KLRG2: variants seen among roughly 807,000 people sequenced by gnomAD.
The protein encoded by KLRG2 is killer cell lectin-like receptor subfamily G member 2.
Under a neutral mutation model 35.4 loss-of-function variants are expected in KLRG2, and 39 were observed. That is an observed-to-expected ratio of 1.10 (90% CI 0.85 to 1.44). The LOEUF (loss-of-function observed/expected upper bound fraction) is 1.44, where lower values mean the gene tolerates loss of function less well. Ranked by LOEUF, KLRG2 falls within the 40% of genes most tolerant of loss-of-function variation. The pLI, the probability that KLRG2 is intolerant of heterozygous loss-of-function variation, is 0.00. For missense variants in KLRG2, 632 were observed against 570.9 expected (o/e 1.11, Z -1.09); for synonymous variants, 283 against 265.8 (o/e 1.06, Z -0.63).
the KLRG2 span, among the ~76,000 whole-genome samples, chr7:139,442,269 C>G: frequency 6.6e-6 from 1 of 152,158 alleles, no homozygotes; most frequent in Non-Finnish European, 1.5e-5. Context: ...CAGAGAGGAG[C>G]AACTGTCCAC....
At chr7:139,481,894 T>A (rs2116488563) in intron 1 of KLRG2, among the ~76,000 whole-genome samples, 2 of 151,656 alleles carry the variant, frequency 1.3e-5, no homozygotes, top group South Asian at 4.2e-4. Flanking sequence ...GCCATTGCAC[T>A]CCAGCCTGGG....
At chr7:139,469,699 C>T (rs1382574607) in intron 3 of KLRG2, among the ~76,000 whole-genome samples, 6 of 152,242 alleles carry the variant, frequency 3.9e-5, no homozygotes, top group Admixed American at 3.9e-4. Flanking sequence ...CCACCTCGGC[C>T]TCCCAAAGTG....
rs1332287532 is a variant in KLRG2, at chr7:139,453,156, G to A, written c.*431C>T. On this transcript the variant is annotated 3_prime_UTR_variant, in exon 5 of 5. Coordinates refer to ENST00000340940, the MANE Select transcript of KLRG2 (RefSeq NM_198508.4). ...CTGAAGTAGAATTCACAGCAATGAC[G>A]TTATCCCTGCCAAGTCCCACTGCCA... is the stretch of plus-strand genomic sequence containing the variant. The A allele has an allele frequency of 1.5e-5, 4 of 271,190 alleles. No individual in the cohort carries two copies. The highest frequency in any genetic ancestry group is 2.7e-5 in the Non-Finnish European group (4 of 147,190). The allele number at this position is 271,190 out of a possible 1,614,324, so 16.8% of individuals were successfully genotyped here.
chr7:139,447,305 C>T, the KLRG2 span, among the ~76,000 whole-genome samples: 45 of 152,246 alleles, frequency 3.0e-4, 1 homozygote, highest in East Asian at 8.5e-3. Flanking sequence ...TTAGAGCCTC[C>T]TACCGACCTG....
At chr7:139,428,973 T>C in the KLRG2 span, among the ~76,000 whole-genome samples, 1 of 152,216 alleles carries the variant, frequency 6.6e-6, no homozygotes, top group Non-Finnish European at 1.5e-5. Flanking sequence ...TGTGTATTTT[T>C]GAAAATTTTC....
chr7:139,454,126 G>A lies in KLRG2; in HGVS notation c.1094C>T (p.Pro365Leu). ...PQGWHWIDEA[P>L]LPPQLLPEDG... Reference sequence around the variant, plus strand: ...GGTCACTCACAGCTGGGGCGGGAGTGGGGCCTCGTCGATCCAGTGCCAGCC... The same window carrying A: ...GGTCACTCACAGCTGGGGCGGGAGTAGGGCCTCGTCGATCCAGTGCCAGCC... The change falls in exon 4 of 5, where the codon CCA becomes CTA. Residue 365 changes from proline to leucine, a missense_variant. Pro to Leu is a moderately conservative substitution (Grantham distance 98). Transcript: ENST00000340940. 1.9e-6 allele frequency: 3 copies of A among 1,540,818 alleles called. No homozygotes were observed. The highest frequency in any genetic ancestry group is 2.6e-6 in the Non-Finnish European group (3 of 1,138,178).
At chr7:139,427,466 G>T in the KLRG2 span, among the ~76,000 whole-genome samples, 2 of 152,198 alleles carry the variant, frequency 1.3e-5, no homozygotes, top group African/African-American at 2.4e-5. Context: ...GTCAAAGGCT[G>T]GTGCCAGCAT....
At chr7:139,474,140 C>G (rs1373881086) in intron 3 of KLRG2, among the ~76,000 whole-genome samples, 1 of 151,910 alleles carries the variant, frequency 6.6e-6, no homozygotes, top group Non-Finnish European at 1.5e-5. Flanking sequence ...CCTCAGCCTC[C>G]CGAGTAGCTG....
chr7:139,440,734 A>G, the KLRG2 span, among the ~76,000 whole-genome samples: 4 of 152,132 alleles, frequency 2.6e-5, no homozygotes, highest in Admixed American at 2.6e-4. Context: ...ACAAGCTTGC[A>G]CCACAGTGCC....
At chr7:139,473,092 G>A (rs1474978262) in intron 3 of KLRG2, among the ~76,000 whole-genome samples, 1 of 152,154 alleles carries the variant, frequency 6.6e-6, no homozygotes, top group Non-Finnish European at 1.5e-5. Flanking sequence ...GACCAGCCTG[G>A]CCAACATGGC....
chr7:139,454,031 G>A (rs550080750), intron 4 of KLRG2, 80 bp downstream of exon 4: 1 of 918,586 alleles, frequency 1.1e-6, no homozygotes, highest in East Asian at 2.6e-5. Flanking sequence ...CAGGCTAGGG[G>A]AGCAGCAAGG....
intron 3 of KLRG2, among the ~76,000 whole-genome samples, chr7:139,473,070 C>T (rs1241899245): frequency 2.6e-5 from 4 of 152,126 alleles, no homozygotes; most frequent in Admixed American, 6.6e-5. Flanking sequence ...TCGCTTGAGG[C>T]CAGGAGTTTG....
At chr7:139,432,684 C>G in the KLRG2 span, among the ~76,000 whole-genome samples, 1 of 151,906 alleles carries the variant, frequency 6.6e-6, no homozygotes, top group Non-Finnish European at 1.5e-5. Flanking sequence ...GCACAAGTCT[C>G]TCATACAAAA....
rs1231885886 is a variant in KLRG2, at chr7:139,479,596, T to C, written c.1005+31A>G. 5 of 1,601,024 alleles carry C rather than the reference T, an allele frequency of 3.1e-6. No homozygotes were observed. The South Asian group carries it at 5.5e-5, about 18-fold the overall frequency. On this transcript the variant is annotated intron_variant, in intron 3 of 4. Transcript: ENST00000340940. ...GGATTCTGTGGTCTAGAAAGATCTG[T>C]ACCCCCTTAGATTGGACACCCCCTT... is the stretch of plus-strand genomic sequence containing the variant.
intron 3 of KLRG2, among the ~76,000 whole-genome samples, chr7:139,467,676 G>A (rs955220669): frequency 1.3e-5 from 2 of 150,856 alleles, no homozygotes; most frequent in Non-Finnish European, 1.5e-5. Context: ...CTAATCTCAA[G>A]TACCCAGGGA....
chr7:139,483,035 G>A lies in KLRG2; in HGVS notation c.608C>T (p.Ala203Val). ...TESGCDAEGR[A>V]SPAEGSAGSP... The stretch of plus-strand genomic sequence containing the variant: ...GCCGGCGCTTCCTTCCGCGGGGCTG[G>A]CCCGGCCCTCTGCGTCGCAGCCGCT... The change falls in exon 1 of 5, where the codon GCC (alanine) becomes GTC (valine). Residue 203 changes from alanine (A) to valine (V), a missense_variant. Transcript: ENST00000340940. 4 of 1,375,826 alleles carry A rather than the reference G, an allele frequency of 2.9e-6. No homozygotes were observed. Among genetic ancestry groups the A allele is most frequent in the Non-Finnish European group, 3.7e-6 (4 of 1,075,424 alleles). 85.2% of individuals were successfully genotyped at this position (1,375,826 alleles called of 1,614,324 possible).
chr7:139,466,740 T>TAAAATAAAAAAAATAAAA (rs149465589), intron 3 of KLRG2, among the ~76,000 whole-genome samples: 1 of 138,482 alleles, frequency 7.2e-6, no homozygotes, highest in African/African-American at 2.7e-5. Context: ...CTGCTAAAAA[T>TAAAATAAAAAAAATAAAA]AAAATAAAAA....
the KLRG2 span, among the ~76,000 whole-genome samples, chr7:139,433,777 A>G: frequency 6.6e-6 from 1 of 151,808 alleles, no homozygotes; most frequent in Admixed American, 6.6e-5. Flanking sequence ...CCGGGATTAC[A>G]GGTGCCTGCA....
At chr7:139,436,685 C>T in the KLRG2 span, among the ~76,000 whole-genome samples, 10 of 152,348 alleles carry the variant, frequency 6.6e-5, no homozygotes, top group East Asian at 1.2e-3. Context: ...CTCTCTAAGG[C>T]CCTCCTGAGT....
Sources: gnomAD v4.1 joint callset for allele counts (sites outside exome capture counted in the v4.1 genomes callset) on GRCh38, gnomAD v4.1.1 for gene constraint, MANE v1.5 for transcripts, NCBI Gene and HGNC (gene_info 2026-07-23, HGNC 2026-07-21) for gene names.